The following RAB3C variants were observed in gnomAD, a reference collection of about 807,000 sequenced individuals.
RAB3C encodes RAB3C, member RAS oncogene family.
A neutral mutation model predicts 26.4 loss-of-function variants in RAB3C; 17 were observed. The ratio of observed to expected loss-of-function variants is 0.64; its 90% CI spans 0.44 to 0.97. The LOEUF (loss-of-function observed/expected upper bound fraction) is 0.97. Ranked by LOEUF, RAB3C falls within the 50% of genes least tolerant of loss-of-function variation. The pLI, the probability that RAB3C is intolerant of heterozygous loss-of-function variation, is 0.00. For synonymous variants in RAB3C, 91 were observed against 95.9 expected (o/e 0.95, Z 0.30); for missense variants, 242 against 281.9 (o/e 0.86, Z 1.01).
intron 3 of RAB3C, among the ~76,000 whole-genome samples, chr5:58,790,895 C>T (rs966467673): frequency 6.6e-6 from 1 of 152,058 alleles, no homozygotes; most frequent in Non-Finnish European, 1.5e-5. Context: ...CCAGAAGGCC[C>T]GTGGTGACAA....
rs541315656 is a variant in RAB3C, at chr5:58,710,558, C to T, written c.253-15444C>T. Among the ~76,000 whole-genome samples the T allele has an allele frequency of 3.3e-5, 5 of 151,602 alleles. No individual in the cohort carries two copies. The East Asian group carries it at 9.7e-4, about 29-fold the overall frequency. On this transcript the variant is annotated intron_variant, in intron 2 of 4. Coordinates refer to ENST00000282878, the MANE Select transcript of RAB3C (RefSeq NM_138453.4). Reference sequence around the variant, plus strand: ...AGGTTGCAGTGAGCCGAGATCACGCCACTGCACTCTAGCCTGGGCAAAAGA... The same window carrying T: ...AGGTTGCAGTGAGCCGAGATCACGCTACTGCACTCTAGCCTGGGCAAAAGA...
intron 3 of RAB3C, among the ~76,000 whole-genome samples, chr5:58,753,176 G>T (rs751008270): frequency 6.6e-6 from 1 of 152,124 alleles, no homozygotes; most frequent in Non-Finnish European, 1.5e-5. Context: ...TAAGGTGGGT[G>T]TCCTGTCTGG....
chr5:58,670,316 T>C (rs190422320), intron 2 of RAB3C, among the ~76,000 whole-genome samples: 1 of 146,610 alleles, frequency 6.8e-6, no homozygotes, highest in Non-Finnish European at 1.5e-5. Flanking sequence ...CAAAGGATAG[T>C]TTTTTTTTTT....
Position 58,845,612 on chromosome 5 carries a change from A to ATATATATATATATATATGTGTG in RAB3C, c.497-5551_497-5550insATATATATATATATATGTGTGT. The stretch of plus-strand genomic sequence containing the variant: ...ATTCTTACTATATATATATATATAT[A>ATATATATATATATATATGTGTG]TGTGTGTGTGTGTGTGTGTATATGT... On this transcript the variant is annotated intron_variant, in intron 4 of 4. Transcript: ENST00000282878. Among the ~76,000 whole-genome samples, 29 of 81,718 alleles carry ATATATATATATATATATGTGTG rather than the reference A, an allele frequency of 3.5e-4. 1 individual carries two copies. The highest frequency in any genetic ancestry group is 1.5e-3 in the African/African-American group (25 of 17,206). 53.6% of individuals were successfully genotyped at this position (81,718 alleles called of 152,430 possible).
At position 58,838,337 on chromosome 5, in the gene RAB3C, A is replaced by G. The variant is rs1369267627; in HGVS notation, c.497-12827A>G. On this transcript the variant is annotated intron_variant, in intron 4 of 4. Coordinates refer to ENST00000282878, the MANE Select transcript of RAB3C (RefSeq NM_138453.4). ...AGAGCTTGCAGTGAGCTGAGATTGC[A>G]CCACTGCACTCCAGCCTGGGGACAG... 7.3e-5 allele frequency among the ~76,000 whole-genome samples: 11 copies of G among 151,480 alleles called. No individual in the cohort carries two copies. The East Asian group carries it at 2.0e-3, about 27-fold the overall frequency.
At chr5:58,674,138 A>G (rs1211049620) in intron 2 of RAB3C, among the ~76,000 whole-genome samples, 1 of 152,182 alleles carries the variant, frequency 6.6e-6, no homozygotes, top group African/African-American at 2.4e-5. Context: ...GAAAGGGAAT[A>G]TAGAAATGGT....
chr5:58,703,286 G>T (rs1006484327), intron 2 of RAB3C, among the ~76,000 whole-genome samples: 1 of 152,026 alleles, frequency 6.6e-6, no homozygotes, highest in Non-Finnish European at 1.5e-5. Context: ...GGATTCAAGC[G>T]ATTTTCCTGC....
chr5:58,600,471 G>A (rs1420239270), intron 1 of RAB3C, among the ~76,000 whole-genome samples: 1 of 152,110 alleles, frequency 6.6e-6, no homozygotes, highest in Non-Finnish European at 1.5e-5. Flanking sequence ...CCATACATGA[G>A]CATGGGATGT....
rs754107347 is a variant in RAB3C at position 58,725,993 on chromosome 5, A to G, written c.253-9A>G. 24 of 1,459,794 alleles carry G rather than the reference A, an allele frequency of 1.6e-5. No individual in the cohort carries two copies. Among genetic ancestry groups the G allele is most frequent in the Non-Finnish European group, 2.0e-5 (21 of 1,076,302 alleles). The allele number at this position is 1,459,794 out of a possible 1,614,324, so 90.4% of individuals were successfully genotyped here. ...TCTGAGAGATTATCATTTTTTTTTTATTCTTTAGGACACAGCAGGCCAGGA... is the reference window on the plus strand; with the variant it reads ...TCTGAGAGATTATCATTTTTTTTTTGTTCTTTAGGACACAGCAGGCCAGGA... On this transcript the variant is annotated splice_polypyrimidine_tract_variant and intron_variant, in intron 2 of 4. Coordinates refer to ENST00000282878, the MANE Select transcript of RAB3C (RefSeq NM_138453.4).
intron 2 of RAB3C, among the ~76,000 whole-genome samples, chr5:58,699,369 G>A (rs551746065): frequency 1.3e-5 from 2 of 152,298 alleles, no homozygotes; most frequent in African/African-American, 4.8e-5. Flanking sequence ...CCTATATGAG[G>A]TTTCTGTCAA....
At chr5:58,754,070 A>C (rs1006280776) in intron 3 of RAB3C, among the ~76,000 whole-genome samples, 1 of 152,052 alleles carries the variant, frequency 6.6e-6, no homozygotes, top group Non-Finnish European at 1.5e-5. Context: ...AGATTCTTCT[A>C]TTTGAGAGGG....
At chr5:58,798,903 T>C (rs1240617941) in intron 3 of RAB3C, among the ~76,000 whole-genome samples, 4 of 152,184 alleles carry the variant, frequency 2.6e-5, no homozygotes, top group African/African-American at 9.7e-5. Context: ...CACAACTAGC[T>C]TGGACTATCC....
chr5:58,588,279 C>A (rs936463893), intron 1 of RAB3C, among the ~76,000 whole-genome samples: 3 of 152,172 alleles, frequency 2.0e-5, no homozygotes, highest in Middle Eastern at 3.4e-3. Context: ...AAGAAACAAT[C>A]AAATCTTTTG....
intron 2 of RAB3C, among the ~76,000 whole-genome samples, chr5:58,655,080 T>C (rs1444795789): frequency 6.6e-6 from 1 of 152,214 alleles, no homozygotes; most frequent in Non-Finnish European, 1.5e-5. Context: ...GACAGACCTA[T>C]ATGATCAGGG....
intron 1 of RAB3C, among the ~76,000 whole-genome samples, chr5:58,586,556 T>C (rs2111648371): frequency 6.6e-6 from 1 of 152,266 alleles, no homozygotes; most frequent in East Asian, 1.9e-4. Context: ...TATTATAATT[T>C]CTGGCAGGGT....
intron 3 of RAB3C, among the ~76,000 whole-genome samples, chr5:58,738,650 G>A (rs1741207777): frequency 2.0e-5 from 3 of 152,112 alleles, no homozygotes; most frequent in Admixed American, 6.6e-5. Context: ...AAATTATGTA[G>A]ATGCAGCCTT....
chr5:58,624,898 C>T (rs540768728), intron 2 of RAB3C, among the ~76,000 whole-genome samples: 1 of 151,768 alleles, frequency 6.6e-6, no homozygotes, highest in African/African-American at 2.4e-5. Context: ...ACAAAAAAAA[C>T]CCCCAATCTG....
intron 1 of RAB3C, among the ~76,000 whole-genome samples, chr5:58,583,782 T>C (rs1745957469): frequency 6.6e-6 from 1 of 152,198 alleles, no homozygotes; most frequent in Admixed American, 6.5e-5. Flanking sequence ...GGCATATCCC[T>C]GAGCTATGCC....
chr5:58,790,072 T>C (rs1287777795), intron 3 of RAB3C, among the ~76,000 whole-genome samples: 1 of 152,208 alleles, frequency 6.6e-6, no homozygotes, highest in African/African-American at 2.4e-5. Context: ...TCTCCTAAAG[T>C]CTAGACCCAT....
Sources: gnomAD v4.1 joint callset for allele counts (sites outside exome capture counted in the v4.1 genomes callset) on GRCh38, gnomAD v4.1.1 for gene constraint, MANE v1.5 for transcripts, NCBI Gene and HGNC (gene_info 2026-07-23, HGNC 2026-07-21) for gene names.